Variants in STK32B observed in about 807,000 individuals in gnomAD.
The protein encoded by STK32B is serine/threonine-protein kinase 32B.
In STK32B, 43 loss-of-function variants were observed where a neutral mutation model predicts 52.6. The observed-to-expected ratio is 0.82, with a 90% confidence interval of 0.64 to 1.05. The LOEUF (loss-of-function observed/expected upper bound fraction) is 1.05, where lower values mean the gene tolerates loss of function less well. STK32B is among the 50% of genes least tolerant of loss of function. The pLI is 0.00. For missense variants in STK32B, 621 were observed against 534.6 expected (o/e 1.16, Z -1.59); for synonymous variants, 238 against 204.3 (o/e 1.17, Z -1.41).
chr4:5,230,178 C>CTTTTTT lies in STK32B; in HGVS notation c.260+61754_260+61759dup, dbSNP rs752036100. ...AGAAGAACACTCAAGCATGCATTCC[C>CTTTTTT]TTTTTTTTTTTTTTTTTTTTTTTTT... On this transcript the variant is annotated intron_variant, in intron 3 of 11. Transcript: ENST00000282908. 6.7e-4 allele frequency among the ~76,000 whole-genome samples: 48 copies of CTTTTTT among 71,124 alleles called. 1 individual carries two copies. The highest frequency in any genetic ancestry group is 3.4e-3 in the South Asian group (8 of 2,374). 46.7% of individuals were successfully genotyped at this position (71,124 alleles called of 152,430 possible).
chr4:5,166,168 G>A (rs1041280802), intron 2 of STK32B, among the ~76,000 whole-genome samples: 90 of 152,054 alleles, frequency 5.9e-4, no homozygotes, highest in African/African-American at 2.1e-3. Context: ...AGAAAACCCC[G>A]AGTTCCTTCG....
intron 3 of STK32B, among the ~76,000 whole-genome samples, chr4:5,325,728 T>C (rs1216678852): frequency 6.6e-6 from 1 of 152,212 alleles, no homozygotes; most frequent in Non-Finnish European, 1.5e-5. Flanking sequence ...GAGCCTAATT[T>C]TCCAGATTTT....
At chr4:5,055,249 C>T (rs1020043830) in intron 1 of STK32B, among the ~76,000 whole-genome samples, 3 of 144,578 alleles carry the variant, frequency 2.1e-5, no homozygotes, top group African/African-American at 7.5e-5. Context: ...ACCATTATGC[C>T]TGGCTAATTT....
rs73089633 is a variant in STK32B at position 5,074,074 on chromosome 4, C to T, written c.52+22159C>T. Among the ~76,000 whole-genome samples, 544 of 152,034 alleles carry T rather than the reference C, an allele frequency of 3.6e-3. 7 individuals carry two copies. The highest frequency in any genetic ancestry group is 0.012 in the African/African-American group (518 of 41,514). ...ATTCTCTCTCTCCTCCCACACATCC[C>T]TCCCCCTTTTATTTGTCTCTCTCCT... On this transcript the variant is annotated intron_variant, in intron 1 of 11. Transcript: ENST00000282908.
At chr4:5,452,439 G>A (rs1347337995) in intron 7 of STK32B, among the ~76,000 whole-genome samples, 1 of 152,142 alleles carries the variant, frequency 6.6e-6, no homozygotes, top group East Asian at 1.9e-4. Flanking sequence ...AAGCCTGGGA[G>A]GTAATGGAGT....
chr4:5,112,556 T>G (rs1714461398), intron 1 of STK32B, among the ~76,000 whole-genome samples: 1 of 152,186 alleles, frequency 6.6e-6, no homozygotes, highest in African/African-American at 2.4e-5. Context: ...GACCTTTAGC[T>G]GATTGGAAGA....
At chr4:5,192,036 CA>C (rs1384034143) in intron 3 of STK32B, among the ~76,000 whole-genome samples, 4 of 152,172 alleles carry the variant, frequency 2.6e-5, no homozygotes, top group Non-Finnish European at 5.9e-5. Flanking sequence ...ACTGTAGAGA[CA>C]TAGAAAACAG....
chr4:5,021,887 G>A, the STK32B span, among the ~76,000 whole-genome samples: 2 of 152,274 alleles, frequency 1.3e-5, no homozygotes, highest in South Asian at 2.1e-4. Flanking sequence ...CAGTCAGTGG[G>A]GAGACAAGGA....
chr4:5,108,171 C>T (rs1454824785), intron 1 of STK32B, among the ~76,000 whole-genome samples: 3 of 152,174 alleles, frequency 2.0e-5, no homozygotes, highest in Non-Finnish European at 4.4e-5. Context: ...TTATATGTTT[C>T]CGAGGATGTG....
At chr4:5,181,221 G>A (rs2108753180) in intron 3 of STK32B, among the ~76,000 whole-genome samples, 1 of 152,200 alleles carries the variant, frequency 6.6e-6, no homozygotes, top group East Asian at 1.9e-4. Flanking sequence ...CACTGTATCT[G>A]GAGACAGGAT....
chr4:5,311,279 A>G (rs574367148), intron 3 of STK32B, among the ~76,000 whole-genome samples: 2 of 152,330 alleles, frequency 1.3e-5, no homozygotes, highest in African/African-American at 4.8e-5. Flanking sequence ...TGCTTATGCT[A>G]ATTACTCTGA....
At chr4:5,119,259 C>T (rs1230912930) in intron 1 of STK32B, among the ~76,000 whole-genome samples, 1 of 152,218 alleles carries the variant, frequency 6.6e-6, no homozygotes, top group East Asian at 1.9e-4. Context: ...CCAGCACTTT[C>T]TGTGCCTTGT....
chr4:5,373,725 A>G (rs1332745380), intron 4 of STK32B, among the ~76,000 whole-genome samples: 1 of 151,996 alleles, frequency 6.6e-6, no homozygotes, highest in African/African-American at 2.4e-5. Flanking sequence ...CATCCCACCG[A>G]TTTTGTCCCA....
At chr4:5,474,859 T>G (rs544901170) in intron 11 of STK32B, among the ~76,000 whole-genome samples, 163 of 152,228 alleles carry the variant, frequency 1.1e-3, no homozygotes, top group African/African-American at 3.9e-3. Context: ...TCTCTGAAAC[T>G]CAGAAGTCTA....
chr4:5,161,094 C>T (rs916914034), intron 2 of STK32B, among the ~76,000 whole-genome samples: 5 of 152,144 alleles, frequency 3.3e-5, no homozygotes, highest in Non-Finnish European at 7.4e-5. Context: ...CCCATTATAC[C>T]TCGGGTTCCC....
At chr4:5,049,246 G>T (rs955296750), upstream of STK32B, among the ~76,000 whole-genome samples, 2 of 151,616 alleles carry the variant, frequency 1.3e-5, no homozygotes, top group African/African-American at 2.4e-5. Flanking sequence ...ACCCAGGTTG[G>T]AGTGCAGTGG....
intron 3 of STK32B, among the ~76,000 whole-genome samples, chr4:5,260,508 G>A (rs1020006518): frequency 6.6e-5 from 10 of 152,140 alleles, no homozygotes; most frequent in African/African-American, 2.4e-4. Context: ...TGGAATGACC[G>A]GGGAGGCTTC....
chr4:5,477,712 T>C (rs1452999611), intron 11 of STK32B, among the ~76,000 whole-genome samples: 4 of 152,116 alleles, frequency 2.6e-5, no homozygotes, highest in Non-Finnish European at 5.9e-5. Flanking sequence ...GTTTTGCCCT[T>C]GGGAATTACA....
intron 3 of STK32B, among the ~76,000 whole-genome samples, chr4:5,211,497 C>T (rs1441312950): frequency 6.9e-6 from 1 of 144,218 alleles, no homozygotes; most frequent in Non-Finnish European, 1.5e-5. Context: ...AGAGCCAAAC[C>T]ACTGGAGGTC....
Sources: allele counts gnomAD v4.1 joint callset (sites outside exome capture counted in the v4.1 genomes callset), GRCh38; gene constraint gnomAD v4.1.1; transcripts MANE v1.5; gene names NCBI Gene and HGNC (gene_info 2026-07-23, HGNC 2026-07-21).